Variants in NCOR2 observed in about 807,000 individuals in gnomAD.
NCOR2 encodes nuclear receptor corepressor 2.
NCOR2 carries 81 observed loss-of-function variants against 262.9 expected under a neutral mutation model. The observed-to-expected ratio is 0.31, with a 90% CI of 0.26 to 0.37. The LOEUF (loss-of-function observed/expected upper bound fraction) is 0.37. Among genes scored for constraint, NCOR2 ranks in the 10% least tolerant of loss-of-function variants. NCOR2 has a pLI of 1.00. For missense variants in NCOR2, 3,385 were observed against 3,621.4 expected, an observed-to-expected ratio of 0.93 and a Z score of 1.68; for synonymous variants, 1,659 against 1,559.3, an observed-to-expected ratio of 1.06 and a Z score of -1.51.
At chr12:124,402,600 G>T in intron 13 of NCOR2, 39 bp from the exon 16 acceptor site, 1 of 1,545,836 alleles carries the variant, frequency 6.5e-7, no homozygotes. Flanking sequence ...GAGTGGGGAG[G>T]GAAGAAAACC....
rs970789638 is a variant in NCOR2, at chr12:124,389,103, G to T, written c.1877-3216C>A. ...CGGGAAGTTGTCAGTGGTGCGTGTG[G>T]GATGCCCCTGGGCCAGGTATCACCG... On this transcript the variant is annotated intron_variant, in intron 16 of 46. Coordinates refer to ENST00000405201, the Ensembl canonical transcript of NCOR2. The surrounding 1 kb of genome is among the most constrained non-coding windows in gnomAD (Gnocchi z 4.4). Among the ~76,000 whole-genome samples the T allele has an allele frequency of 2.0e-5, 3 of 152,244 alleles. No homozygotes were observed. In the East Asian group the frequency reaches 5.8e-4, roughly 29 times the overall value.
At chr12:124,506,888 T>C (rs1191758999) in intron 1 of NCOR2, among the ~76,000 whole-genome samples, 1 of 151,812 alleles carries the variant, frequency 6.6e-6, no homozygotes, top group Non-Finnish European at 1.5e-5. Context: ...CATGCCAGAG[T>C]GGGGCTCAGG....
chr12:124,357,950 G>C (rs1445556289), intron 22 of NCOR2, among the ~76,000 whole-genome samples: 2 of 143,392 alleles, frequency 1.4e-5, no homozygotes, highest in African/African-American at 2.7e-5. Context: ...TGAGTGCATG[G>C]ATGTGTGTGT....
intron 5 of NCOR2, among the ~76,000 whole-genome samples, chr12:124,462,235 T>C (rs1421532477): frequency 6.6e-6 from 1 of 152,150 alleles, no homozygotes; most frequent in Non-Finnish European, 1.5e-5. Context: ...GAAACAGACC[T>C]GACACTCATC....
chr12:124,356,162 C>G (rs1194130809), intron 23 of NCOR2, among the ~76,000 whole-genome samples: 1 of 152,242 alleles, frequency 6.6e-6, no homozygotes, highest in Non-Finnish European at 1.5e-5. Flanking sequence ...TTCTGGCTCC[C>G]TTGGCCCACG....
At position 124,483,780 on chromosome 12, in the gene NCOR2, G is replaced by T; in HGVS notation, c.234-7C>A. 1 of 1,589,912 alleles carries T rather than the reference G, an allele frequency of 6.3e-7. No homozygotes were observed. On this transcript the variant is annotated splice_polypyrimidine_tract_variant and splice_region_variant and intron_variant, in intron 2 of 46. Coordinates refer to ENST00000405201, the Ensembl canonical transcript of NCOR2. The surrounding 1 kb of genome is among the most constrained non-coding windows in gnomAD (Gnocchi z 6.3). ...CAGGTGGAGCTCCTGGGACCTGCAG[G>T]AGGTGAGGCATCCAACGTCACATAG...
intron 13 of NCOR2, among the ~76,000 whole-genome samples, chr12:124,416,669 C>T (rs1473641870): frequency 6.8e-6 from 1 of 147,334 alleles, no homozygotes; most frequent in African/African-American, 2.5e-5. Context: ...CCCCACAGCA[C>T]AGGGAGACCC....
intron 1 of NCOR2, among the ~76,000 whole-genome samples, chr12:124,501,054 GCA>G (rs1160891020): frequency 8.4e-6 from 1 of 118,800 alleles, no homozygotes; most frequent in East Asian, 2.4e-4. Context: ...GAGCGCGCGC[GCA>G]CGCGCGCACA....
At chr12:124,437,789 CT>C in intron 8 of NCOR2, 140 bp downstream of exon 10, 1 of 702,128 alleles carries the variant, frequency 1.4e-6, no homozygotes, top group Non-Finnish European at 2.3e-6. Flanking sequence ...CCTGGCCGGC[CT>C]TGGCTTTTCC....
chr12:124,505,982 G>T (rs1000233594), intron 1 of NCOR2, among the ~76,000 whole-genome samples: 1 of 151,472 alleles, frequency 6.6e-6, no homozygotes. Flanking sequence ...CCCAGCACCA[G>T]CCCCATCTCT....
Position 124,432,644 on chromosome 12 carries a change from GT to G in NCOR2, c.883-1858del, listed in dbSNP as rs1432197725. On this transcript the variant is annotated intron_variant, in intron 8 of 46. Transcript: ENST00000405201. This position sits in a 1 kb window ranked among gnomAD's most constrained non-coding sequence, Gnocchi z 5.1. ...GCCAGAGAAAACCACATTCCAAGCA[GT>G]TCCTCATTCCCCAGCCTCACCCCAA... Among the ~76,000 whole-genome samples, 1 of 152,154 alleles carries G rather than the reference GT, an allele frequency of 6.6e-6. No individual in the cohort carries two copies. The highest frequency in any genetic ancestry group is 1.5e-5 in the Non-Finnish European group (1 of 68,034).
At chr12:124,425,876 T>G (rs1166758133) in intron 11 of NCOR2, among the ~76,000 whole-genome samples, 2 of 152,112 alleles carry the variant, frequency 1.3e-5, no homozygotes, top group Admixed American at 6.6e-5. Flanking sequence ...AGCTGTGTAC[T>G]GGGGTGGGCC....
chr12:124,336,770 A>G lies in NCOR2; in HGVS notation c.6098T>C (p.Leu2033Pro), dbSNP rs550851892. ...GGTCTTACCCAGAGAACGGAGTTCC[A>G]GTTCCTGGATGGAAAAGGGTTTACT... is the stretch of plus-strand genomic sequence containing the variant. The change falls in exon 38 of 47, where the codon CTG becomes CCG. Residue 2033 changes from leucine (L) to proline (P), a missense_variant. Physicochemically the swap from Leu to Pro is moderately conservative, Grantham distance 98. This residue lies in a region of NCOR2 where 1,017 missense variants were observed against 967.2 expected (regional missense o/e 1.05). Transcript: ENST00000405201. 12 of 1,613,134 alleles carry G rather than the reference A, an allele frequency of 7.4e-6. No individual in the cohort carries two copies. The highest frequency in any genetic ancestry group is 6.7e-5 in the African/African-American group (5 of 74,872).
chr12:124,343,095 G>A (rs944324049), exon 33 of NCOR2: 11 of 1,612,282 alleles, frequency 6.8e-6, no homozygotes, highest in African/African-American at 1.3e-5. Flanking sequence ...CTCACGCCCC[G>A]AAGCAGGTGC....
chr12:124,500,321 G>C (rs992076208), intron 1 of NCOR2, among the ~76,000 whole-genome samples: 3 of 152,192 alleles, frequency 2.0e-5, no homozygotes, highest in Non-Finnish European at 2.9e-5. Flanking sequence ...GGCTGCAGGG[G>C]TCTGTCCCTG....
At chr12:124,426,785 T>A in exon 11 of NCOR2, 2 of 1,582,604 alleles carry the variant, frequency 1.3e-6, no homozygotes, top group Non-Finnish European at 8.6e-7. Context: ...AGCTGGCGCA[T>A]CTGCTTCTCC....
At chr12:124,492,524 G>A (rs1379621177) in intron 1 of NCOR2, among the ~76,000 whole-genome samples, 1 of 152,124 alleles carries the variant, frequency 6.6e-6, no homozygotes, top group African/African-American at 2.4e-5. Context: ...GAGGTGACCT[G>A]AATCTGGGAA....
Position 124,330,860 on chromosome 12 carries a change from C to T in NCOR2, c.6943G>A (p.Ala2315Thr), listed in dbSNP as rs368715193. Residue 2315 changes from alanine (A) to threonine (T), a missense_variant, in exon 44 of 47, where the codon GCC (alanine) becomes ACC (threonine). Ala to Thr is a moderately conservative substitution (Grantham distance 58). This residue lies in a region of NCOR2 where 1,017 missense variants were observed against 967.2 expected (regional missense o/e 1.05). Transcript: ENST00000405201. ...GATGGGTTACCTGTTCCGGTGATGG[C>T]GGGCATATTGAAGATCTCCGTCCCA... is the stretch of plus-strand genomic sequence containing the variant. 1.1e-5 allele frequency: 17 copies of T among 1,581,258 alleles called. No homozygotes were observed. In the East Asian group the frequency reaches 1.1e-4, roughly 11 times the overall value.
rs540477449 is a variant in NCOR2, at chr12:124,380,845, C to A, written c.2020-2461G>T. On this transcript the variant is annotated intron_variant, in intron 17 of 46. Coordinates refer to ENST00000405201, the Ensembl canonical transcript of NCOR2. ...ATGGTGCCAACACCCTGAATCCCCACAAAGCTGGGTCTCAGAGAGAGTCCC... is the reference window on the plus strand; with the variant it reads ...ATGGTGCCAACACCCTGAATCCCCAAAAAGCTGGGTCTCAGAGAGAGTCCC... Among the ~76,000 whole-genome samples the A allele has an allele frequency of 1.9e-3, 292 of 152,198 alleles. 1 individual carries two copies. Among genetic ancestry groups the A allele is most frequent in the African/African-American group, 6.7e-3 (277 of 41,502 alleles).
Sources: gnomAD v4.1 joint callset for allele counts (sites outside exome capture counted in the v4.1 genomes callset) on GRCh38, gnomAD v4.1.1 for gene constraint, gnomAD v4.1.1 regional missense constraint, Gnocchi (gnomAD v3.1) non-coding constraint, MANE v1.5 for transcripts, NCBI Gene and HGNC (gene_info 2026-07-23, HGNC 2026-07-21) for gene names.